RYR2: variants seen among roughly 807,000 people sequenced by gnomAD.
RYR2 encodes cardiac muscle ryanodine receptor-calcium release channel.
A neutral mutation model predicts 601.1 loss-of-function variants in RYR2; 227 were observed. The observed-to-expected ratio is 0.38, with a 90% confidence interval of 0.34 to 0.42. The LOEUF is 0.42. RYR2 is among the 10% of genes least tolerant of loss of function. The pLI, the probability that RYR2 is intolerant of heterozygous loss-of-function variation, is 1.00. For missense variants in RYR2, 4,646 were observed against 6,156.5 expected, an observed-to-expected ratio of 0.75 and a Z score of 8.21; for synonymous variants, 2,223 against 2,175.1, an observed-to-expected ratio of 1.02 and a Z score of -0.61.
intron 88 of RYR2, among the ~76,000 whole-genome samples, chr1:237,779,816 G>T (rs1694953952): frequency 6.6e-6 from 1 of 152,202 alleles, no homozygotes; most frequent in Non-Finnish European, 1.5e-5. Flanking sequence ...AACCTGATTT[G>T]ATTTGTACAG....
intron 37 of RYR2, among the ~76,000 whole-genome samples, chr1:237,616,929 G>T (rs1678536709): frequency 6.6e-6 from 1 of 152,214 alleles, no homozygotes; most frequent in South Asian, 2.1e-4. Context: ...GATCTTGTGA[G>T]ACTTATTCAC....
At chr1:237,831,471 T>C in intron 103 of RYR2, 43 bp from the exon 104 acceptor site, 1 of 1,084,260 alleles carries the variant, frequency 9.2e-7, no homozygotes, top group Non-Finnish European at 1.4e-6. Context: ...TATCCTAATA[T>C]TTCCATACCG....
intron 35 of RYR2, among the ~76,000 whole-genome samples, chr1:237,606,521 G>T (rs1177166310): frequency 6.6e-6 from 1 of 152,176 alleles, no homozygotes; most frequent in African/African-American, 2.4e-5. Context: ...AGGACTTCAT[G>T]TCTAAAACAC....
In RYR2 at chr1:237,705,645, G is replaced by A. The variant is rs1688306356; in HGVS notation, c.9580+302G>A. 1.3e-5 allele frequency among the ~76,000 whole-genome samples: 2 copies of A among 152,130 alleles called. 1 individual carries two copies. The highest frequency in any genetic ancestry group is 1.3e-4 in the Admixed American group (2 of 15,270). ...TCCTAGAGGTAGAGTCATCTTGTGT[G>A]GCAGATGAGGGAGTATCGCAGCCTA... On this transcript the variant is annotated intron_variant, in intron 67 of 104. Coordinates refer to ENST00000366574, the MANE Select transcript of RYR2 (RefSeq NM_001035.3).
chr1:237,486,475 A>G (rs1217279072), intron 17 of RYR2, among the ~76,000 whole-genome samples: 1 of 152,194 alleles, frequency 6.6e-6, no homozygotes, highest in East Asian at 1.9e-4. Context: ...TGCTTATTCC[A>G]AACTTATGGA....
intron 50 of RYR2, 61 bp downstream of exon 50, chr1:237,650,158 C>A (rs536545718): frequency 1.1e-5 from 16 of 1,437,032 alleles, no homozygotes; most frequent in South Asian, 3.6e-5. Flanking sequence ...TACAATGTGG[C>A]CTTTGACAAA....
chr1:237,061,276 C>CATCTATCT (rs55852744), intron 1 of RYR2, among the ~76,000 whole-genome samples: 102 of 98,794 alleles, frequency 1.0e-3, no homozygotes, highest in African/African-American at 2.5e-3. Flanking sequence ...ATCCATCTAT[C>CATCTATCT]ATCTATCTAT....
At chr1:237,491,324 A>G (rs777970184) in intron 17 of RYR2, among the ~76,000 whole-genome samples, 90 of 152,282 alleles carry the variant, frequency 5.9e-4, no homozygotes, top group Admixed American at 2.9e-3. Context: ...GCACTGTTGC[A>G]GGATTACACT....
intron 2 of RYR2, among the ~76,000 whole-genome samples, chr1:237,284,061 A>T (rs1691180226): frequency 6.6e-6 from 1 of 152,202 alleles, no homozygotes; most frequent in Non-Finnish European, 1.5e-5. Flanking sequence ...TTGGTTTTCC[A>T]TAACTAAGTT....
At chr1:237,444,273 A>G (rs1196931601) in intron 13 of RYR2, among the ~76,000 whole-genome samples, 1 of 151,542 alleles carries the variant, frequency 6.6e-6, no homozygotes, top group African/African-American at 2.4e-5. Flanking sequence ...CCACTTTTCA[A>G]CTCTCTTTGC....
intron 1 of RYR2, among the ~76,000 whole-genome samples, chr1:237,269,104 A>G (rs556846669): frequency 0.028 from 3,346 of 118,228 alleles, 436 homozygotes; most frequent in African/African-American, 0.096. Flanking sequence ...GCGCAATGGC[A>G]CGATCTCAGC....
chr1:237,565,548 A>G (rs1671977530), intron 27 of RYR2, among the ~76,000 whole-genome samples: 1 of 152,118 alleles, frequency 6.6e-6, no homozygotes, highest in Non-Finnish European at 1.5e-5. Context: ...CCTGGCTGAA[A>G]ACTAGCATTT....
chr1:237,561,475 T>C (rs2061836), intron 27 of RYR2, among the ~76,000 whole-genome samples: 40,134 of 152,086 alleles, frequency 0.26, 6,279 homozygotes, highest in Admixed American at 0.42. Flanking sequence ...CAGAATTAGA[T>C]GTTGAAAGGA....
chr1:237,572,048 T>G (rs576569229), intron 29 of RYR2, among the ~76,000 whole-genome samples: 1 of 152,324 alleles, frequency 6.6e-6, no homozygotes, highest in South Asian at 2.1e-4. Flanking sequence ...TCTTATTCAT[T>G]TTTTCTAACT....
Position 237,377,315 on chromosome 1 carries a change from A to T in RYR2, c.464-8A>T, listed in dbSNP as rs10925391. The T allele has an allele frequency of 1.9e-6, 3 of 1,596,816 alleles. No individual in the cohort carries two copies. Among genetic ancestry groups the T allele is most frequent in the Non-Finnish European group, 2.6e-6 (3 of 1,170,396 alleles). On this transcript the variant is annotated splice_polypyrimidine_tract_variant and splice_region_variant and intron_variant, in intron 7 of 104. Coordinates refer to ENST00000366574, the MANE Select transcript of RYR2 (RefSeq NM_001035.3). ...TTTTTCATGTTTCACATATCCGTAT[A>T]TCTGCAGGGGAGGCTTGTTGGTGGA...
chr1:237,594,143 A>C (rs1291991982), intron 33 of RYR2, among the ~76,000 whole-genome samples: 1 of 152,166 alleles, frequency 6.6e-6, no homozygotes, highest in Non-Finnish European at 1.5e-5. Context: ...AGTCAGTTAC[A>C]CTTTCTGTGC....
chr1:237,164,404 G>A (rs938789119), intron 1 of RYR2, among the ~76,000 whole-genome samples: 4 of 152,212 alleles, frequency 2.6e-5, no homozygotes, highest in African/African-American at 9.7e-5. Flanking sequence ...AGCTGTAGAC[G>A]TGGTGAGCCA....
At position 237,569,933 on chromosome 1, in the gene RYR2, G is replaced by C. The variant is rs1003402332; in HGVS notation, c.3598+614G>C. Among the ~76,000 whole-genome samples, 37 of 152,082 alleles carry C rather than the reference G, an allele frequency of 2.4e-4. 1 individual carries two copies. The highest frequency in any genetic ancestry group is 7.7e-4 in the African/African-American group (32 of 41,436). On this transcript the variant is annotated intron_variant, in intron 29 of 104. Transcript: ENST00000366574. ...TTGAGCAGAGTTGTAAAGATGGAGG[G>C]TGGGCCGGGTTCAGTGGCTCAAGCC...
At chr1:237,068,880 G>C (rs1558178264) in intron 1 of RYR2, among the ~76,000 whole-genome samples, 1 of 152,006 alleles carries the variant, frequency 6.6e-6, no homozygotes. Context: ...CCTGCTCCTA[G>C]GTGAGCCAGT....
Sources: gnomAD v4.1 joint callset for allele counts (sites outside exome capture counted in the v4.1 genomes callset) on GRCh38, gnomAD v4.1.1 for gene constraint, MANE v1.5 for transcripts, NCBI Gene and HGNC (gene_info 2026-07-23, HGNC 2026-07-21) for gene names.